The following USP32 variants were observed in gnomAD, a reference collection of about 807,000 sequenced individuals.
The protein encoded by USP32 is ubiquitin specific peptidase 32.
In USP32, 59 loss-of-function variants were observed where a neutral mutation model predicts 204.8. The observed-to-expected ratio is 0.29, with a 90% CI of 0.23 to 0.36. The LOEUF (loss-of-function observed/expected upper bound fraction) is 0.36, where lower values mean the gene tolerates loss of function less well. USP32 is among the 10% of genes least tolerant of loss of function. The probability of loss-of-function intolerance (pLI) is 1.00; values close to 1 mark genes in which losing one functional copy is unlikely to be tolerated. For missense variants in USP32, 1,160 were observed against 1,946.4 expected, an observed-to-expected ratio of 0.60 and a Z score of 7.60; for synonymous variants, 517 against 678.4, an observed-to-expected ratio of 0.76 and a Z score of 3.70.
chr17:60,252,934 A>G (rs2086205123), intron 10 of USP32, among the ~76,000 whole-genome samples: 1 of 152,242 alleles, frequency 6.6e-6, no homozygotes, highest in Admixed American at 6.5e-5. Context: ...TATTAATTGC[A>G]TATATTAATT....
chr17:60,231,326 G>C (rs80207453), intron 12 of USP32, among the ~76,000 whole-genome samples: 16 of 152,238 alleles, frequency 1.1e-4, no homozygotes, highest in Admixed American at 4.6e-4. Flanking sequence ...AAAAATAGAG[G>C]GCAGCATGGA....
At chr17:60,288,804 T>C in intron 4 of USP32, 122 bp from the exon 5 acceptor site, 1 of 783,312 alleles carries the variant, frequency 1.3e-6, no homozygotes. Context: ...AAAGGAAGGA[T>C]TATCTAATAA....
At chr17:60,403,259 G>C (rs1004713737) in intron 1 of USP32, among the ~76,000 whole-genome samples, 2 of 152,050 alleles carry the variant, frequency 1.3e-5, no homozygotes, top group African/African-American at 4.8e-5. Flanking sequence ...CTCGTGATCT[G>C]CCGGCCTCGG....
At chr17:60,394,476 G>A (rs1359768968), upstream of USP32, among the ~76,000 whole-genome samples, 1 of 152,176 alleles carries the variant, frequency 6.6e-6, no homozygotes, top group Admixed American at 6.5e-5. Context: ...TGCCCCACTT[G>A]AAAGACAGGA....
rs1204942858 is a variant in USP32 at position 60,183,251 on chromosome 17, T to A, written c.4037A>T (p.Asp1346Val). 2 of 1,614,010 alleles carry A rather than the reference T, an allele frequency of 1.2e-6. No individual in the cohort carries two copies. The part of the protein sequence containing the change: ...RILAREVKKV[D>V]AQSSAGEEDV... ...CTCTTCCCCAGCCGAACTCTGCGCATCCACTTTCTTCACCTCCCTTGCCAG... is the reference window on the plus strand; with the variant it reads ...CTCTTCCCCAGCCGAACTCTGCGCAACCACTTTCTTCACCTCCCTTGCCAG... Residue 1346 changes from aspartate (D) to valine (V), a missense_variant, in exon 31 of 34, where the codon GAT (aspartate) becomes GTT (valine). By Grantham distance (152) the Asp-to-Val change is radical. Around this residue, in one of 8 missense-constraint regions of USP32, gnomAD observed 244 missense variants for 342.3 expected, o/e 0.71. Coordinates refer to ENST00000300896, the MANE Select transcript of USP32 (RefSeq NM_032582.4).
chr17:60,367,594 T>G (rs1455663097), intron 1 of USP32, among the ~76,000 whole-genome samples: 1 of 152,210 alleles, frequency 6.6e-6, no homozygotes, highest in African/African-American at 2.4e-5. Context: ...GTGGATCACT[T>G]GACGTCAGTT....
chr17:60,404,137 G>A (rs7218904), intron 1 of USP32, among the ~76,000 whole-genome samples: 33,292 of 152,112 alleles, frequency 0.22, 9,046 homozygotes, highest in African/African-American at 0.64. Context: ...GAGCTTGGGC[G>A]GAACTGTATG....
chr17:60,256,929 G>A (rs544975002), intron 9 of USP32: 10 of 366,476 alleles, frequency 2.7e-5, no homozygotes, highest in East Asian at 8.4e-5. Flanking sequence ...GACCAACAAC[G>A]TGATTTCATC....
rs955120292 is a variant in USP32, at chr17:60,382,106, G to T, written c.58+9776C>A. On this transcript the variant is annotated intron_variant, in intron 1 of 33. Transcript: ENST00000300896. ...CCAGTGTATGATTTCTATTTCCAGA[G>T]GCTGGCATAGTGAGATAAGCTCACC... Among the ~76,000 whole-genome samples, 4 of 152,296 alleles carry T rather than the reference G, an allele frequency of 2.6e-5. No individual in the cohort carries two copies. In the East Asian group the frequency reaches 7.7e-4, roughly 29 times the overall value.
At position 60,222,462 on chromosome 17, in the gene USP32, C is replaced by G; in HGVS notation, c.1696G>C (p.Val566Leu). Residue 566 changes from valine (V) to leucine (L), a missense_variant, in exon 15 of 34, where the codon GTG becomes CTG. Around this residue, in one of 8 missense-constraint regions of USP32, gnomAD observed 536 missense variants for 680.9 expected, o/e 0.79. Transcript: ENST00000300896. Reference sequence around the variant, plus strand: ...TACCAGTGATAAAGTGCTCTCCACACAGGTTCTGGGACCATTTCATAGTCT... The same window carrying G: ...TACCAGTGATAAAGTGCTCTCCACAGAGGTTCTGGGACCATTTCATAGTCT... ...GRDYEMVPEP[V>L]WRALYHWYGA... 6.2e-7 allele frequency: 1 copy of G among 1,614,146 alleles called. No homozygotes were observed. The highest frequency in any genetic ancestry group is 1.1e-5 in the South Asian group (1 of 91,086).
In USP32 at chr17:60,212,344, G is replaced by T. The variant is rs138223230; in HGVS notation, c.2105-246C>A. Among the ~76,000 whole-genome samples the T allele has an allele frequency of 2.1e-3, 324 of 152,294 alleles. 5 individuals are homozygous for T. In the East Asian group the frequency reaches 0.046, roughly 22 times the overall value. On this transcript the variant is annotated intron_variant, in intron 18 of 33. Transcript: ENST00000300896. ...TAGGCTATGTATGGTATAGGCTGTC[G>T]CTCCTTGGCTACAAACCTGTACAGT...
intron 1 of USP32, among the ~76,000 whole-genome samples, chr17:60,349,596 A>AAAAAAAT (rs1555618242): frequency 7.7e-5 from 5 of 65,202 alleles, no homozygotes; most frequent in East Asian, 1.2e-3. Flanking sequence ...AAAAAAAAAA[A>AAAAAAAT]ATATATATAT....
chr17:60,248,936 C>T (rs1225404139), intron 11 of USP32: 1 of 152,192 alleles, frequency 6.6e-6, no homozygotes, highest in Non-Finnish European at 1.5e-5. Context: ...ATATTAGCAA[C>T]TCTGGATTCT....
intron 3 of USP32, among the ~76,000 whole-genome samples, chr17:60,300,757 A>C (rs2087554312): frequency 6.6e-6 from 1 of 152,204 alleles, no homozygotes. Flanking sequence ...GTATATTTAT[A>C]AGGTTGTGCA....
chr17:60,375,355 C>A (rs1242839454), intron 1 of USP32, among the ~76,000 whole-genome samples: 2 of 152,088 alleles, frequency 1.3e-5, no homozygotes, highest in South Asian at 2.1e-4. Context: ...TTTTTACAGT[C>A]CCATACTACT....
intron 32 of USP32, 136 bp from the exon 33 acceptor site, chr17:60,180,773 CTT>C: frequency 1.1e-6 from 1 of 910,362 alleles, no homozygotes; most frequent in Non-Finnish European, 1.6e-6. Flanking sequence ...AACCCTCTAA[CTT>C]TTTCTAAAAC....
intron 10 of USP32, among the ~76,000 whole-genome samples, chr17:60,254,682 G>C (rs1161917323): frequency 6.6e-6 from 1 of 152,184 alleles, no homozygotes; most frequent in Non-Finnish European, 1.5e-5. Flanking sequence ...CTGCATGACA[G>C]AGTGAGATGC....
chr17:60,258,052 C>G (rs771429182), intron 9 of USP32: 4 of 158,276 alleles, frequency 2.5e-5, no homozygotes, highest in African/African-American at 7.3e-5. Context: ...AGGGAGCAAG[C>G]AGATAAGATG....
chr17:60,224,543 G>A (rs1230525945), intron 13 of USP32, among the ~76,000 whole-genome samples: 3 of 152,212 alleles, frequency 2.0e-5, no homozygotes, highest in Non-Finnish European at 4.4e-5. Context: ...TCAGCACTTT[G>A]GGAGGCCAAG....
Sources: gnomAD v4.1 joint callset for allele counts (sites outside exome capture counted in the v4.1 genomes callset) on GRCh38, gnomAD v4.1.1 for gene constraint, gnomAD v4.1.1 regional missense constraint, MANE v1.5 for transcripts, NCBI Gene and HGNC (gene_info 2026-07-23, HGNC 2026-07-21) for gene names.